Variants in CCBE1 observed in about 807,000 individuals in gnomAD.
The protein encoded by CCBE1 is collagen and calcium-binding EGF domain-containing protein 1.
CCBE1 carries 37 observed loss-of-function variants against 50.0 expected under a neutral mutation model. That is an observed-to-expected ratio of 0.74 (90% CI 0.57 to 0.97). The LOEUF is 0.97. Ranked by LOEUF, CCBE1 falls within the 50% of genes least tolerant of loss-of-function variation. The pLI is 0.00. For missense variants in CCBE1, 538 were observed against 523.8 expected, an observed-to-expected ratio of 1.03 and a Z score of -0.26; for synonymous variants, 234 against 203.7, an observed-to-expected ratio of 1.15 and a Z score of -1.27.
intron 5 of CCBE1, among the ~76,000 whole-genome samples, chr18:59,464,562 G>T (rs4998985): frequency 0.22 from 33,888 of 152,126 alleles, 3,965 homozygotes; most frequent in East Asian, 0.33. Flanking sequence ...CATGCTTCAG[G>T]CTTTAAGAAG....
intron 2 of CCBE1, among the ~76,000 whole-genome samples, chr18:59,523,270 G>A: frequency 6.6e-6 from 1 of 151,546 alleles, no homozygotes; most frequent in African/African-American, 2.4e-5. Context: ...TTCCAGCTTA[G>A]AGACAATGGT....
At chr18:59,565,072 G>A (rs1018221841) in intron 2 of CCBE1, among the ~76,000 whole-genome samples, 3 of 152,228 alleles carry the variant, frequency 2.0e-5, no homozygotes, top group African/African-American at 7.2e-5. Flanking sequence ...GGAGAAAGGT[G>A]AGCACAGGGG....
intron 2 of CCBE1, among the ~76,000 whole-genome samples, chr18:59,690,119 G>C (rs888804709): frequency 6.6e-6 from 1 of 152,180 alleles, no homozygotes. Flanking sequence ...TTTTGTTGTT[G>C]TTGGGGGTTT....
chr18:59,483,947 T>A (rs1912695708), intron 2 of CCBE1, among the ~76,000 whole-genome samples: 1 of 152,234 alleles, frequency 6.6e-6, no homozygotes, highest in Non-Finnish European at 1.5e-5. Context: ...ATATGAATGA[T>A]GTGTGGCAGT....
intron 2 of CCBE1, among the ~76,000 whole-genome samples, chr18:59,545,672 C>A (rs1915653481): frequency 1.3e-5 from 2 of 152,204 alleles, no homozygotes; most frequent in Admixed American, 1.3e-4. Flanking sequence ...CCTATAATTC[C>A]CATGTGTTGT....
intron 9 of CCBE1, 49 bp from the exon 10 acceptor site, chr18:59,438,195 C>T (rs1440484446): frequency 6.6e-7 from 1 of 1,525,002 alleles, no homozygotes; most frequent in African/African-American, 1.4e-5. Flanking sequence ...ATGGATATCA[C>T]AAGAATAGTC....
At chr18:59,526,694 T>C (rs2144341242) in intron 2 of CCBE1, among the ~76,000 whole-genome samples, 1 of 152,284 alleles carries the variant, frequency 6.6e-6, no homozygotes, top group Non-Finnish European at 1.5e-5. Context: ...ATTCCAGAGA[T>C]TCTGGTATGT....
intron 2 of CCBE1, among the ~76,000 whole-genome samples, chr18:59,667,042 G>A (rs919071816): frequency 6.6e-6 from 1 of 152,170 alleles, no homozygotes; most frequent in African/African-American, 2.4e-5. Flanking sequence ...GGGAGCCCAA[G>A]GTGGGAGGAT....
intron 2 of CCBE1, among the ~76,000 whole-genome samples, chr18:59,553,249 A>T (rs1296788391): frequency 6.6e-6 from 1 of 152,192 alleles, no homozygotes; most frequent in Non-Finnish European, 1.5e-5. Context: ...CATTAATTTA[A>T]TGATCTTGCA....
At chr18:59,686,385 G>T (rs550420759) in intron 2 of CCBE1, among the ~76,000 whole-genome samples, 2 of 152,322 alleles carry the variant, frequency 1.3e-5, no homozygotes, top group African/African-American at 2.4e-5. Flanking sequence ...GCCATCAAAA[G>T]CCCAGTGGTT....
intron 2 of CCBE1, among the ~76,000 whole-genome samples, chr18:59,682,827 A>G (rs1599133989): frequency 1.3e-5 from 2 of 152,278 alleles, no homozygotes; most frequent in Admixed American, 6.5e-5. Context: ...GCACATTGCT[A>G]TGGTGTAAAA....
chr18:59,658,044 G>A (rs2054214812), intron 2 of CCBE1, among the ~76,000 whole-genome samples: 1 of 151,906 alleles, frequency 6.6e-6, no homozygotes, highest in Admixed American at 6.6e-5. Context: ...GAACTACTCT[G>A]ACACTTATAA....
At chr18:59,618,184 C>T (rs144766787) in intron 2 of CCBE1, among the ~76,000 whole-genome samples, 3 of 152,044 alleles carry the variant, frequency 2.0e-5, no homozygotes, top group Non-Finnish European at 4.4e-5. Flanking sequence ...AGCGGTGGCT[C>T]ATGCCTGCAA....
chr18:59,477,159 T>G (rs1326394088), intron 3 of CCBE1, among the ~76,000 whole-genome samples: 1 of 152,230 alleles, frequency 6.6e-6, no homozygotes, highest in Non-Finnish European at 1.5e-5. Context: ...CTGGGGTGAC[T>G]GATCCTGGCT....
At chr18:59,572,389 G>A (rs571733275) in intron 2 of CCBE1, among the ~76,000 whole-genome samples, 2 of 152,134 alleles carry the variant, frequency 1.3e-5, no homozygotes, top group Admixed American at 6.5e-5. Context: ...ATTACAGATC[G>A]ATTTTTTGAG....
At chr18:59,526,489 T>G (rs1483310456) in intron 2 of CCBE1, among the ~76,000 whole-genome samples, 2 of 152,046 alleles carry the variant, frequency 1.3e-5, no homozygotes, top group African/African-American at 4.8e-5. Flanking sequence ...TTCTTTATTT[T>G]TAGTAGAGAT....
At chr18:59,438,041 C>T (rs1283854222) in intron 10 of CCBE1, 70 bp downstream of exon 10, 94 of 1,535,762 alleles carry the variant, frequency 6.1e-5, no homozygotes, top group South Asian at 2.3e-5. Flanking sequence ...CTAGACCAAC[C>T]TATAGGCTCA....
chr18:59,462,209 A>G (rs1911516557), intron 5 of CCBE1, among the ~76,000 whole-genome samples: 1 of 152,168 alleles, frequency 6.6e-6, no homozygotes, highest in African/African-American at 2.4e-5. Flanking sequence ...CATGCAGTCT[A>G]CAGAAAACAC....
chr18:59,501,592 C>A (rs1429335168), intron 2 of CCBE1, among the ~76,000 whole-genome samples: 1 of 152,166 alleles, frequency 6.6e-6, no homozygotes, highest in Non-Finnish European at 1.5e-5. Context: ...GAAGCCTTTC[C>A]TGAATTCCTA....
Sources: gnomAD v4.1 joint callset for allele counts (sites outside exome capture counted in the v4.1 genomes callset) on GRCh38, gnomAD v4.1.1 for gene constraint, MANE v1.5 for transcripts, NCBI Gene and HGNC (gene_info 2026-07-23, HGNC 2026-07-21) for gene names.